CATSPERB: variants seen among roughly 807,000 people sequenced by gnomAD.
The protein encoded by CATSPERB is cation channel sperm-associated auxiliary subunit beta.
CATSPERB carries 93 observed loss-of-function variants against 128.3 expected under a neutral mutation model. That is an observed-to-expected ratio of 0.72 (90% CI 0.61 to 0.86). The LOEUF (loss-of-function observed/expected upper bound fraction) is 0.86, where lower values mean the gene tolerates loss of function less well. Ranked by LOEUF, CATSPERB falls within the 40% of genes least tolerant of loss-of-function variation. The pLI, the probability that CATSPERB is intolerant of heterozygous loss-of-function variation, is 0.00. For synonymous variants in CATSPERB, 381 were observed against 448.8 expected (o/e 0.85, Z 1.91); for missense variants, 1,153 against 1,329.5 (o/e 0.87, Z 2.06).
rs374221225 is a variant in CATSPERB, at chr14:91,648,215, A to T, written c.1433-8965T>A. 4.0e-4 allele frequency among the ~76,000 whole-genome samples: 61 copies of T among 152,268 alleles called. No homozygotes were observed. In the East Asian group the frequency reaches 8.9e-3, roughly 22 times the overall value. On this transcript the variant is annotated intron_variant, in intron 15 of 26. Transcript: ENST00000256343. ...CTTATCAACATATCACTTGGCCAAA[A>T]ATCTTACATTTTCCAGTATATTCCC...
rs991674580 is a variant in CATSPERB, at chr14:91,581,056, C to T, written c.3184G>A (p.Val1062Met). Residue 1062 changes from valine (V) to methionine (M), a missense_variant, in exon 27 of 27, where the codon GTG becomes ATG. By Grantham distance (21) the Val-to-Met change is conservative (BLOSUM62 1). Coordinates refer to ENST00000256343, the MANE Select transcript of CATSPERB (RefSeq NM_024764.4). ...LPFPGHTLIA[V>M]ATAVVLGGLI... ...CCCCCTAGCACTACCGCTGTTGCCACGGCAATAAGCGTGTGTCCTGGGAAT... is the reference window on the plus strand; with the variant it reads ...CCCCCTAGCACTACCGCTGTTGCCATGGCAATAAGCGTGTGTCCTGGGAAT... 57 of 1,614,088 alleles carry T rather than the reference C, an allele frequency of 3.5e-5. No homozygotes were observed. The highest frequency in any genetic ancestry group is 4.2e-5 in the Non-Finnish European group (49 of 1,180,032).
intron 5 of CATSPERB, among the ~76,000 whole-genome samples, chr14:91,716,692 TGCATACATATTTACAA>T (rs1895945542): frequency 6.6e-6 from 1 of 151,170 alleles, no homozygotes; most frequent in Non-Finnish European, 1.5e-5. Context: ...CATACTTATA[TGCATACATATTTACAA>T]GCATACACAC....
At position 91,674,204 on chromosome 14, in the gene CATSPERB, G is replaced by T; in HGVS notation, c.950C>A (p.Thr317Asn). 6.5e-7 allele frequency: 1 copy of T among 1,539,984 alleles called. No homozygotes were observed. The highest frequency in any genetic ancestry group is 8.9e-7 in the Non-Finnish European group (1 of 1,122,880). ...ACTTAGGGTTCTGTTTCTCTCAAAG[G>T]TAACTGTAACATAATCAACTGTGAA... The part of the protein sequence containing the change: ...EHFEVDYVTV[T>N]FERNRTLSES... The change falls in exon 12 of 27, where the codon ACC becomes AAC. Residue 317 changes from threonine to asparagine, a missense_variant. Physicochemically the swap from Thr to Asn is moderately conservative, Grantham distance 65. Transcript: ENST00000256343.
rs150933494 is a variant in CATSPERB at position 91,724,128 on chromosome 14, G to A, written c.169-939C>T. Among the ~76,000 whole-genome samples, 1,008 of 152,008 alleles carry A rather than the reference G, an allele frequency of 6.6e-3. 3 individuals carry two copies. Among genetic ancestry groups the A allele is most frequent in the Non-Finnish European group, 9.9e-3 (673 of 67,960 alleles). On this transcript the variant is annotated intron_variant, in intron 3 of 26. Coordinates refer to ENST00000256343, the MANE Select transcript of CATSPERB (RefSeq NM_024764.4). The stretch of plus-strand genomic sequence containing the variant: ...TGATACACATAAACTCTTTATAAAC[G>A]TTAGCTATCACTTCTAATACTACTG...
At chr14:91,686,766 T>C (rs1215039850) in intron 10 of CATSPERB, among the ~76,000 whole-genome samples, 1 of 152,222 alleles carries the variant, frequency 6.6e-6, no homozygotes, top group East Asian at 1.9e-4. Context: ...ATGTATTGTA[T>C]CTATATGTCT....
At chr14:91,638,853 C>T (rs1025815381) in intron 16 of CATSPERB, among the ~76,000 whole-genome samples, 1 of 151,970 alleles carries the variant, frequency 6.6e-6, no homozygotes, top group African/African-American at 2.4e-5. Flanking sequence ...TGTTCTGCTG[C>T]GAAGATATTT....
intron 23 of CATSPERB, among the ~76,000 whole-genome samples, chr14:91,590,403 C>T (rs1052685966): frequency 6.6e-6 from 1 of 151,550 alleles, no homozygotes; most frequent in African/African-American, 2.4e-5. Flanking sequence ...TAGTGGTGGG[C>T]ACCTATAGTC....
chr14:91,700,068 T>A (rs1190858200), intron 7 of CATSPERB, among the ~76,000 whole-genome samples: 1 of 152,118 alleles, frequency 6.6e-6, no homozygotes. Context: ...TTTCTCCTAA[T>A]GCTATCCCTC....
chr14:91,684,169 G>T (rs889379280), intron 10 of CATSPERB, among the ~76,000 whole-genome samples: 20 of 152,190 alleles, frequency 1.3e-4, no homozygotes, highest in African/African-American at 4.8e-4. Flanking sequence ...AATCACACAT[G>T]AATTAGCATA....
chr14:91,644,266 G>A (rs1475063332), intron 15 of CATSPERB, among the ~76,000 whole-genome samples: 1 of 116,426 alleles, frequency 8.6e-6, no homozygotes, highest in Non-Finnish European at 1.8e-5. Flanking sequence ...ATGTTAGCTG[G>A]TGATTTTGCT....
Position 91,581,115 on chromosome 14 carries a change from A to G in CATSPERB, c.3133-8T>C. On this transcript the variant is annotated splice_polypyrimidine_tract_variant and splice_region_variant and intron_variant, in intron 26 of 26. Transcript: ENST00000256343. ...TGCCTCATCAACATAAATCTGCAAC[A>G]GAAAAAGCAAAGTCTTTAAGCTTTC... 1 of 1,608,932 alleles carries G rather than the reference A, an allele frequency of 6.2e-7. No individual in the cohort carries two copies. The highest frequency in any genetic ancestry group is 8.5e-7 in the Non-Finnish European group (1 of 1,176,746).
chr14:91,631,171 C>A (rs1894269486), intron 17 of CATSPERB, among the ~76,000 whole-genome samples: 1 of 152,234 alleles, frequency 6.6e-6, no homozygotes, highest in Non-Finnish European at 1.5e-5. Flanking sequence ...AGAATGTCAT[C>A]TCCATGCAGG....
At chr14:91,691,134 G>A (rs903848967) in intron 10 of CATSPERB, among the ~76,000 whole-genome samples, 1 of 152,176 alleles carries the variant, frequency 6.6e-6, no homozygotes. Context: ...TTACACTGGG[G>A]TAGATGGATT....
intron 15 of CATSPERB, among the ~76,000 whole-genome samples, chr14:91,659,039 T>C (rs1035695625): frequency 4.6e-5 from 7 of 152,042 alleles, no homozygotes; most frequent in Non-Finnish European, 8.8e-5. Flanking sequence ...TATTAACTGT[T>C]TTGAGATTTG....
At chr14:91,681,102 C>T (rs141879672) in intron 11 of CATSPERB, among the ~76,000 whole-genome samples, 1,622 of 152,308 alleles carry the variant, frequency 0.011, 23 homozygotes, top group Middle Eastern at 0.061. Flanking sequence ...ATGCATGTGT[C>T]AGGACCACTT....
At chr14:91,660,451 C>T (rs2139821429) in intron 14 of CATSPERB, among the ~76,000 whole-genome samples, 1 of 152,208 alleles carries the variant, frequency 6.6e-6, no homozygotes, top group South Asian at 2.1e-4. Flanking sequence ...AGGGATGTGT[C>T]CTGGGACCTT....
chr14:91,607,893 G>T (rs956314243), intron 22 of CATSPERB, among the ~76,000 whole-genome samples: 1 of 152,090 alleles, frequency 6.6e-6, no homozygotes, highest in Non-Finnish European at 1.5e-5. Context: ...GTGCTGCTGG[G>T]AGTTGGTTAT....
At chr14:91,664,760 A>G (rs900284178) in intron 14 of CATSPERB, among the ~76,000 whole-genome samples, 1 of 152,134 alleles carries the variant, frequency 6.6e-6, no homozygotes, top group Non-Finnish European at 1.5e-5. Context: ...AGTTGTTCCA[A>G]TTCCTTGGTC....
chr14:91,588,285 T>A (rs769995439), intron 24 of CATSPERB, among the ~76,000 whole-genome samples: 3 of 152,116 alleles, frequency 2.0e-5, no homozygotes, highest in Non-Finnish European at 2.9e-5. Context: ...ATACTTTTAG[T>A]TCTGCTTGAC....
Sources: allele counts gnomAD v4.1 joint callset (sites outside exome capture counted in the v4.1 genomes callset), GRCh38; gene constraint gnomAD v4.1.1; transcripts MANE v1.5; gene names NCBI Gene and HGNC (gene_info 2026-07-23, HGNC 2026-07-21).